MYH10: variants seen among roughly 807,000 people sequenced by gnomAD.
MYH10 encodes myosin heavy chain 10, also known as myosin-10.
A neutral mutation model predicts 257.8 loss-of-function variants in MYH10; 55 were observed. The observed-to-expected ratio is 0.21, with a 90% CI of 0.17 to 0.27. The LOEUF is 0.27. Ranked by LOEUF, MYH10 falls within the 10% of genes least tolerant of loss-of-function variation. The probability of loss-of-function intolerance (pLI) is 1.00; values close to 1 mark genes in which losing one functional copy is unlikely to be tolerated. For synonymous variants in MYH10, 854 were observed against 921.7 expected (o/e 0.93, Z 1.33); for missense variants, 1,631 against 2,500.6 (o/e 0.65, Z 7.42).
At chr17:8,513,698 T>C in intron 22 of MYH10, 29 bp from the exon 23 acceptor site, 1 of 1,609,074 alleles carries the variant, frequency 6.2e-7, no homozygotes, top group Non-Finnish European at 8.5e-7. Flanking sequence ...GTTTTTTTTT[T>C]TTTATCATTC....
Position 8,569,126 on chromosome 17 carries a change from G to A in MYH10, c.756+594C>T, listed in dbSNP as rs775633465. Reference sequence around the variant, plus strand: ...AGTCCCGGCTCCTTGGGAGACTGAGGAAGGAGGATGCCTTGAGACCAGGAG... The same window carrying A: ...AGTCCCGGCTCCTTGGGAGACTGAGAAAGGAGGATGCCTTGAGACCAGGAG... On this transcript the variant is annotated intron_variant, in intron 7 of 42. Transcript: ENST00000360416. The surrounding 1 kb of genome is among the most constrained non-coding windows in gnomAD (Gnocchi z 4.1). Among the ~76,000 whole-genome samples, 9 of 152,030 alleles carry A rather than the reference G, an allele frequency of 5.9e-5. No individual in the cohort carries two copies. Among genetic ancestry groups the A allele is most frequent in the South Asian group, 2.1e-4 (1 of 4,798 alleles).
chr17:8,504,806 C>T lies in MYH10; in HGVS notation c.3487G>A (p.Ala1163Thr), dbSNP rs372084317. Residue 1163 changes from alanine to threonine, a missense_variant, in exon 28 of 43, where the codon GCT (alanine) becomes ACT (threonine). By Grantham distance (58) the Ala-to-Thr change is moderately conservative. Transcript: ENST00000360416. This position sits in a 1 kb window ranked among gnomAD's most constrained non-coding sequence, Gnocchi z 5.6. ...ELQEDFESEKASRNKAEKQKR... is the reference protein window; with the variant it reads ...ELQEDFESEKTSRNKAEKQKR... Reference sequence around the variant, plus strand: ...TGCTTTTCGGCCTTGTTCCGTGAAGCCTTCTCGGATTCAAAGTCTTCCTGA... The same window carrying T: ...TGCTTTTCGGCCTTGTTCCGTGAAGTCTTCTCGGATTCAAAGTCTTCCTGA... The T allele has an allele frequency of 6.2e-7, 1 of 1,614,212 alleles. No individual in the cohort carries two copies. Among genetic ancestry groups the T allele is most frequent in the Admixed American group, 1.7e-5 (1 of 60,034 alleles).
rs1275700246 is a variant in MYH10, at chr17:8,535,766, C to A, written c.1771G>T (p.Ala591Ser). The A allele has an allele frequency of 1.2e-6, 2 of 1,613,756 alleles. No homozygotes were observed. The highest frequency in any genetic ancestry group is 1.7e-6 in the Non-Finnish European group (2 of 1,179,882). ...AACATAAGAGCTCTTACCTTCCCTG[C>A]ATAATGTATAATGCAAAAATCAGCT... is the stretch of plus-strand genomic sequence containing the variant. ...DKADFCIIHY[A>S]GKVDYKADEW... Residue 591 changes from alanine to serine, a missense_variant, in exon 15 of 43, where the codon GCA becomes TCA. Physicochemically the swap from Ala to Ser is moderately conservative, Grantham distance 99 (BLOSUM62 1). Coordinates refer to ENST00000360416, the MANE Select transcript of MYH10 (RefSeq NM_001256012.3). This position sits in a 1 kb window ranked among gnomAD's most constrained non-coding sequence, Gnocchi z 4.3.
intron 7 of MYH10, among the ~76,000 whole-genome samples, chr17:8,568,135 C>T (rs1000069010): frequency 6.6e-6 from 1 of 152,138 alleles, no homozygotes; most frequent in African/African-American, 2.4e-5. Flanking sequence ...GATAAACCTG[C>T]TTTTCCTCCC....
chr17:8,539,233 C>T (rs373139356), intron 14 of MYH10, among the ~76,000 whole-genome samples: 7 of 152,164 alleles, frequency 4.6e-5, no homozygotes, highest in Admixed American at 1.3e-4. Flanking sequence ...GTTATAGTAA[C>T]GGAAAACAGA....
chr17:8,603,807 T>C (rs1478282979), intron 3 of MYH10, among the ~76,000 whole-genome samples: 1 of 152,196 alleles, frequency 6.6e-6, no homozygotes, highest in Non-Finnish European at 1.5e-5. Flanking sequence ...TTAAATTTAA[T>C]CTTTCTTTAA....
chr17:8,624,870 A>G (rs1188019727), intron 1 of MYH10, among the ~76,000 whole-genome samples: 13 of 152,228 alleles, frequency 8.5e-5, no homozygotes, highest in African/African-American at 3.1e-4. Context: ...CCTGGGCAAC[A>G]TAGCAAGATC....
intron 9 of MYH10, among the ~76,000 whole-genome samples, chr17:8,550,186 C>T (rs2082581157): frequency 6.6e-6 from 1 of 150,972 alleles, no homozygotes; most frequent in Non-Finnish European, 1.5e-5. Context: ...GCCTGGCTGC[C>T]CAGTCTGGAA....
chr17:8,590,736 T>C (rs1177352271), intron 3 of MYH10, among the ~76,000 whole-genome samples: 1 of 152,130 alleles, frequency 6.6e-6, no homozygotes, highest in Non-Finnish European at 1.5e-5. Context: ...GATCACACTA[T>C]ATCCTTTCTT....
chr17:8,544,622 A>C (rs561678030), intron 13 of MYH10, among the ~76,000 whole-genome samples: 8 of 152,332 alleles, frequency 5.3e-5, no homozygotes, highest in South Asian at 4.1e-4. Flanking sequence ...TCAATACCCA[A>C]TAGTGGCTAC....
chr17:8,500,385 T>G (rs139382545), intron 29 of MYH10, among the ~76,000 whole-genome samples: 158 of 152,214 alleles, frequency 1.0e-3, no homozygotes, highest in Non-Finnish European at 2.0e-3. Context: ...AACACTGTGT[T>G]TGGTGGCTGA....
chr17:8,525,263 C>T (rs1214999321), intron 17 of MYH10, among the ~76,000 whole-genome samples: 1 of 152,234 alleles, frequency 6.6e-6, no homozygotes, highest in African/African-American at 2.4e-5. Context: ...AAGCTAAATA[C>T]ACCACTCCCT....
At chr17:8,594,669 G>A (rs538641875) in intron 3 of MYH10, among the ~76,000 whole-genome samples, 4 of 152,146 alleles carry the variant, frequency 2.6e-5, no homozygotes, top group South Asian at 2.1e-4. Context: ...TTGGTTCCAC[G>A]ACAACCCCAA....
In MYH10 at chr17:8,626,090, C is replaced by G. The variant is rs553633451; in HGVS notation, c.-31-2813G>C. Among the ~76,000 whole-genome samples, 20 of 152,296 alleles carry G rather than the reference C, an allele frequency of 1.3e-4. No individual in the cohort carries two copies. In the South Asian group the frequency reaches 4.1e-3, roughly 32 times the overall value. ...TAAAACTTCTATACAAATAAAATTGCTAACACATTTTATACCTAAACTTGC... is the reference window on the plus strand; with the variant it reads ...TAAAACTTCTATACAAATAAAATTGGTAACACATTTTATACCTAAACTTGC... On this transcript the variant is annotated intron_variant, in intron 1 of 42. Transcript: ENST00000360416.
At chr17:8,572,228 C>CTGTGTG (rs1291381550) in intron 6 of MYH10, among the ~76,000 whole-genome samples, 6 of 80,330 alleles carry the variant, frequency 7.5e-5, no homozygotes, top group African/African-American at 2.7e-4. Flanking sequence ...CTTTTCCTCT[C>CTGTGTG]TGTGTGTGTG....
intron 2 of MYH10, among the ~76,000 whole-genome samples, chr17:8,606,804 C>T (rs1002238554): frequency 6.6e-6 from 1 of 152,174 alleles, no homozygotes. Context: ...ACTGAGCAGA[C>T]CAGGAGGTTA....
rs2084349699 is a variant in MYH10 at position 8,595,866 on chromosome 17, T to A, written c.503-6758A>T. On this transcript the variant is annotated intron_variant, in intron 3 of 42. Coordinates refer to ENST00000360416, the MANE Select transcript of MYH10 (RefSeq NM_001256012.3). Reference sequence around the variant, plus strand: ...TCAATACAAAGATCCAAGACAACTATAAATCACTATTAAATGTTCCTTTTC... The same window carrying A: ...TCAATACAAAGATCCAAGACAACTAAAAATCACTATTAAATGTTCCTTTTC... Among the ~76,000 whole-genome samples the A allele has an allele frequency of 2.0e-5, 3 of 152,206 alleles. No individual in the cohort carries two copies. In the South Asian group the frequency reaches 6.2e-4, roughly 32 times the overall value.
intron 40 of MYH10, 52 bp downstream of exon 40, chr17:8,480,058 C>T (rs1220815891): frequency 6.3e-7 from 1 of 1,587,636 alleles, no homozygotes; most frequent in Non-Finnish European, 8.6e-7. Flanking sequence ...TGTTTTGTCT[C>T]TGACTGAGCC....
intron 1 of MYH10, among the ~76,000 whole-genome samples, chr17:8,629,376 A>T: frequency 9.4e-5 from 1 of 10,632 alleles, no homozygotes; most frequent in Non-Finnish European, 1.7e-4. Flanking sequence ...CATCCACCGC[A>T]GTGATCTTGA....
Sources: gnomAD v4.1 joint callset for allele counts (sites outside exome capture counted in the v4.1 genomes callset) on GRCh38, gnomAD v4.1.1 for gene constraint, Gnocchi (gnomAD v3.1) non-coding constraint, MANE v1.5 for transcripts, NCBI Gene and HGNC (gene_info 2026-07-23, HGNC 2026-07-21) for gene names.